The following ARHGAP15 variants were observed in gnomAD, a reference collection of about 807,000 sequenced individuals.
ARHGAP15 encodes Rho GTPase activating protein 15.
Under a neutral mutation model 63.7 loss-of-function variants are expected in ARHGAP15, and 51 were observed. The observed-to-expected ratio is 0.80, with a 90% CI of 0.64 to 1.01. The LOEUF (loss-of-function observed/expected upper bound fraction) is 1.01, where lower values mean the gene tolerates loss of function less well. ARHGAP15 is among the 50% of genes least tolerant of loss of function. The probability of loss-of-function intolerance (pLI) is 0.00; values close to 1 mark genes in which losing one functional copy is unlikely to be tolerated. For missense variants in ARHGAP15, 560 were observed against 564.6 expected, an observed-to-expected ratio of 0.99 and a Z score of 0.08; for synonymous variants, 191 against 193.8, an observed-to-expected ratio of 0.99 and a Z score of 0.12.
chr2:143,239,243 TAC>T, intron 5 of ARHGAP15, among the ~76,000 whole-genome samples: 2 of 152,318 alleles, frequency 1.3e-5, no homozygotes, highest in Middle Eastern at 6.8e-3. Context: ...GATGCATGTA[TAC>T]ATTGTGGAAT....
chr2:143,309,697 A>T (rs1683346734), intron 6 of ARHGAP15, among the ~76,000 whole-genome samples: 1 of 151,926 alleles, frequency 6.6e-6, no homozygotes, highest in African/African-American at 2.4e-5. Context: ...CACGCTTAAT[A>T]TTTTGTATCA....
intron 6 of ARHGAP15, among the ~76,000 whole-genome samples, chr2:143,335,390 C>G (rs752560669): frequency 7.9e-5 from 12 of 152,052 alleles, no homozygotes; most frequent in Non-Finnish European, 1.3e-4. Context: ...AATGTGAAAA[C>G]CGTTTTAGAT....
chr2:143,542,093 A>G (rs1267411336), intron 10 of ARHGAP15, among the ~76,000 whole-genome samples: 1 of 152,106 alleles, frequency 6.6e-6, no homozygotes, highest in East Asian at 1.9e-4. Context: ...CCCCTCCCCC[A>G]GCCTCGCTGC....
chr2:143,346,022 G>A (rs1368582241), intron 6 of ARHGAP15, among the ~76,000 whole-genome samples: 1 of 151,910 alleles, frequency 6.6e-6, no homozygotes, highest in Non-Finnish European at 1.5e-5. Flanking sequence ...AGTCATGATT[G>A]TACAATCTGC....
intron 1 of ARHGAP15, among the ~76,000 whole-genome samples, chr2:143,148,951 C>A (rs1262777812): frequency 6.6e-6 from 1 of 151,922 alleles, no homozygotes. Context: ...AATTGCAATG[C>A]GAGTTAATTA....
chr2:143,350,540 C>A (rs748064715), intron 6 of ARHGAP15, among the ~76,000 whole-genome samples: 1 of 151,108 alleles, frequency 6.6e-6, no homozygotes, highest in Non-Finnish European at 1.5e-5. Flanking sequence ...ATTTTGTGGG[C>A]TGGGTGTGGT....
Position 143,471,255 on chromosome 2 carries a change from C to CAT in ARHGAP15, c.704-16108_704-16107dup, listed in dbSNP as rs200728365. Among the ~76,000 whole-genome samples, 1,066 of 148,844 alleles carry CAT rather than the reference C, an allele frequency of 7.2e-3. 3 individuals are homozygous for CAT. The highest frequency in any genetic ancestry group is 8.9e-3 in the Non-Finnish European group (596 of 67,128). On this transcript the variant is annotated intron_variant, in intron 8 of 13. Coordinates refer to ENST00000295095, the MANE Select transcript of ARHGAP15 (RefSeq NM_018460.4). ...ATGTGTATATGTGTATATATACACA[C>CAT]ATATATATATACACATAGAGAGCAT...
At chr2:143,649,940 A>G (rs145401723) in intron 12 of ARHGAP15, among the ~76,000 whole-genome samples, 211 of 152,102 alleles carry the variant, frequency 1.4e-3, no homozygotes, top group African/African-American at 4.8e-3. Context: ...TTGCCAGAGT[A>G]AGTGAAGAAT....
intron 1 of ARHGAP15, among the ~76,000 whole-genome samples, chr2:143,141,561 G>A (rs1490951218): frequency 6.6e-6 from 1 of 152,046 alleles, no homozygotes; most frequent in Non-Finnish European, 1.5e-5. Flanking sequence ...GAAAAGAGAG[G>A]GAGGAAAAGG....
In ARHGAP15 at chr2:143,133,189, A is replaced by C. The variant is rs547889640; in HGVS notation, c.-15+3723A>C. Among the ~76,000 whole-genome samples, 280 of 152,330 alleles carry C rather than the reference A, an allele frequency of 1.8e-3. 1 individual carries two copies. Among genetic ancestry groups the C allele is most frequent in the African/African-American group, 6.6e-3 (273 of 41,574 alleles). On this transcript the variant is annotated intron_variant, in intron 1 of 13. Transcript: ENST00000295095. ...AAGTTTTGTGGTAGTTTTCAGGGAAATCTAGCACTGGGAAGATGAGAAACA... is the reference window on the plus strand; with the variant it reads ...AAGTTTTGTGGTAGTTTTCAGGGAACTCTAGCACTGGGAAGATGAGAAACA...
At chr2:143,491,943 A>C (rs1027490130) in intron 9 of ARHGAP15, among the ~76,000 whole-genome samples, 1 of 152,018 alleles carries the variant, frequency 6.6e-6, no homozygotes, top group Non-Finnish European at 1.5e-5. Context: ...GTGCTGTGGC[A>C]TGATCTCAGC....
intron 6 of ARHGAP15, among the ~76,000 whole-genome samples, chr2:143,382,002 T>C (rs1687073079): frequency 6.6e-6 from 1 of 152,114 alleles, no homozygotes; most frequent in African/African-American, 2.4e-5. Context: ...GGTGGTTCAC[T>C]TCTCTTGATG....
At chr2:143,517,508 C>T (rs902934458) in intron 9 of ARHGAP15, among the ~76,000 whole-genome samples, 1 of 152,140 alleles carries the variant, frequency 6.6e-6, no homozygotes, top group African/African-American at 2.4e-5. Context: ...TGATGTCTTG[C>T]AGTCCCTCAT....
In ARHGAP15 at chr2:143,416,837, G is replaced by A. The variant is rs971947609; in HGVS notation, c.475-18764G>A. ...TCCCCCACCACCCCCCCACCCCCAC[G>A]CCCCCACGCCCCCACGCCCCCAACA... On this transcript the variant is annotated intron_variant, in intron 6 of 13. Coordinates refer to ENST00000295095, the MANE Select transcript of ARHGAP15 (RefSeq NM_018460.4). 4.0e-3 allele frequency among the ~76,000 whole-genome samples: 237 copies of A among 59,502 alleles called. 1 individual carries two copies. The highest frequency in any genetic ancestry group is 0.014 in the African/African-American group (219 of 16,046). 39.0% of individuals were successfully genotyped at this position (59,502 alleles called of 152,430 possible).
chr2:143,722,893 C>T (rs536190445), intron 13 of ARHGAP15, among the ~76,000 whole-genome samples: 2 of 152,304 alleles, frequency 1.3e-5, no homozygotes, highest in East Asian at 1.9e-4. Context: ...TGGAATCTGA[C>T]ATCTCAGGCT....
chr2:143,440,897 T>C (rs1249644156), intron 8 of ARHGAP15, among the ~76,000 whole-genome samples: 1 of 152,088 alleles, frequency 6.6e-6, no homozygotes, highest in East Asian at 1.9e-4. Flanking sequence ...AAGAGAATTG[T>C]CTTCCACTGA....
At chr2:143,384,865 G>C (rs766312845) in intron 6 of ARHGAP15, among the ~76,000 whole-genome samples, 7 of 152,096 alleles carry the variant, frequency 4.6e-5, no homozygotes, top group Admixed American at 2.6e-4. Flanking sequence ...ATGGGGGTTG[G>C]GGGGAGGAAA....
intron 6 of ARHGAP15, among the ~76,000 whole-genome samples, chr2:143,410,812 GTTT>G (rs35149088): frequency 2.2e-5 from 3 of 139,298 alleles, no homozygotes; most frequent in Admixed American, 7.1e-5. Context: ...GGAGGTGAAG[GTTT>G]TTTTTTTTTT....
chr2:143,314,795 A>G (rs1683619199), intron 6 of ARHGAP15, among the ~76,000 whole-genome samples: 1 of 152,208 alleles, frequency 6.6e-6, no homozygotes, highest in African/African-American at 2.4e-5. Context: ...ATTATATTCA[A>G]TGTGAAATTC....
Sources: gnomAD v4.1 joint callset for allele counts (sites outside exome capture counted in the v4.1 genomes callset) on GRCh38, gnomAD v4.1.1 for gene constraint, MANE v1.5 for transcripts, NCBI Gene and HGNC (gene_info 2026-07-23, HGNC 2026-07-21) for gene names.